SRPRB: variants seen among roughly 807,000 people sequenced by gnomAD.
SRPRB encodes SRP receptor subunit beta.
A neutral mutation model predicts 31.9 loss-of-function variants in SRPRB; 20 were observed. The observed-to-expected ratio is 0.63, with a 90% CI of 0.44 to 0.91. The LOEUF is 0.91. Ranked by LOEUF, SRPRB falls within the 40% of genes least tolerant of loss-of-function variation. The pLI is 0.00. For missense variants in SRPRB, 321 were observed against 324.9 expected (o/e 0.99, Z 0.09); for synonymous variants, 146 against 132.8 (o/e 1.10, Z -0.68).
At chr3:133,825,652 C>A (rs1399903602), downstream of SRPRB, 2 of 152,216 alleles carry the variant, frequency 1.3e-5, no homozygotes, top group African/African-American at 4.8e-5. Flanking sequence ...TGTGTTTCCA[C>A]TTGTAAATAG....
chr3:133,822,395 C>T (rs932859114), downstream of SRPRB, among the ~76,000 whole-genome samples: 2 of 152,176 alleles, frequency 1.3e-5, no homozygotes, highest in African/African-American at 4.8e-5. Flanking sequence ...ATGGAATCTC[C>T]CTAGTGGGTA....
At chr3:133,808,935 A>G (rs955741943) in intron 3 of SRPRB, among the ~76,000 whole-genome samples, 2 of 151,530 alleles carry the variant, frequency 1.3e-5, no homozygotes, top group African/African-American at 4.9e-5. Flanking sequence ...GACATTTTAC[A>G]TACCTCTGTA....
At chr3:133,794,220 A>C (rs1405489635) in intron 1 of SRPRB, 1 of 152,200 alleles carries the variant, frequency 6.6e-6, no homozygotes, top group East Asian at 1.9e-4. Flanking sequence ...TCTGCATTAC[A>C]TGACTCGTCA....
upstream of SRPRB, chr3:133,805,717 T>G (rs1467422640): frequency 3.3e-6 from 4 of 1,226,536 alleles, no homozygotes; most frequent in Non-Finnish European, 4.4e-6. Flanking sequence ...ATCAAGCACT[T>G]GGGGGATCGC....
chr3:133,793,619 GATT>G (rs1209048775), intron 1 of SRPRB: 15 of 152,034 alleles, frequency 9.9e-5, no homozygotes, highest in Admixed American at 4.6e-4. Context: ...TCATAATTAT[GATT>G]ATTATGTTAT....
intron 4 of SRPRB, among the ~76,000 whole-genome samples, chr3:133,813,363 CTTA>C (rs1243142878): frequency 2.0e-5 from 3 of 152,110 alleles, no homozygotes; most frequent in African/African-American, 4.8e-5. Context: ...GTTATTGAAC[CTTA>C]TTATTTTTGC....
chr3:133,815,294 G>A (rs887073935), intron 4 of SRPRB, among the ~76,000 whole-genome samples: 1 of 151,992 alleles, frequency 6.6e-6, no homozygotes, highest in African/African-American at 2.4e-5. Flanking sequence ...TTACACATGT[G>A]CATAGTTTTG....
At chr3:133,816,569 C>G (rs540710571) in intron 5 of SRPRB, among the ~76,000 whole-genome samples, 2 of 152,248 alleles carry the variant, frequency 1.3e-5, no homozygotes, top group South Asian at 4.2e-4. Context: ...GGTAGGTTTT[C>G]TTTCTGTTAA....
chr3:133,806,508 G>A lies in SRPRB; in HGVS notation c.155-101G>A, dbSNP rs994826073. On this transcript the variant is annotated intron_variant, in intron 1 of 6. Transcript: ENST00000678299. ...TAAAAGTCAGTTCCAGGTGAATGAGGTGTTTCGTCACAGACTTCTGTGAAT... is the reference window on the plus strand; with the variant it reads ...TAAAAGTCAGTTCCAGGTGAATGAGATGTTTCGTCACAGACTTCTGTGAAT... 9 of 840,368 alleles carry A rather than the reference G, an allele frequency of 1.1e-5. No homozygotes were observed. In the African/African-American group the frequency reaches 1.2e-4, roughly 11 times the overall value. 52.1% of individuals were successfully genotyped at this position (840,368 alleles called of 1,614,324 possible).
chr3:133,809,459 A>G (rs1935220896), intron 3 of SRPRB, among the ~76,000 whole-genome samples: 1 of 151,598 alleles, frequency 6.6e-6, no homozygotes, highest in African/African-American at 2.4e-5. Flanking sequence ...ATAAAGGGAC[A>G]TGTTTTTAAA....
intron 6 of SRPRB, among the ~76,000 whole-genome samples, chr3:133,819,146 G>C (rs1935419668): frequency 6.6e-6 from 1 of 152,096 alleles, no homozygotes; most frequent in Non-Finnish European, 1.5e-5. Flanking sequence ...TATCCAAATA[G>C]ACTCAAGATA....
chr3:133,825,142 C>A (rs1247412651), downstream of SRPRB: 1 of 152,212 alleles, frequency 6.6e-6, no homozygotes, highest in Non-Finnish European at 1.5e-5. Context: ...CTCAGACATG[C>A]CTCACTGTCC....
chr3:133,814,340 C>T, intron 4 of SRPRB, among the ~76,000 whole-genome samples: 1 of 152,136 alleles, frequency 6.6e-6, no homozygotes, highest in Non-Finnish European at 1.5e-5. Context: ...GCCGTGTTAG[C>T]CAGGATGGTC....
At chr3:133,803,770 G>A (rs1188940328), upstream of SRPRB, among the ~76,000 whole-genome samples, 3 of 151,222 alleles carry the variant, frequency 2.0e-5, no homozygotes, top group South Asian at 2.1e-4. Context: ...GGGCTCAAGC[G>A]CTCCTGCCTC....
In SRPRB at chr3:133,819,673, G is replaced by A; in HGVS notation, c.723G>A (p.Val241=). ...EFEFSQLPLK[V]EFLECSAKGG... is the part of the protein sequence containing the mutation. ...AATTCTCACAGTTGCCCCTCAAAGT[G>A]GAGTTCCTGGAGTGCAGTGCCAAGG... Residue 241 remains valine (V), a synonymous_variant, in exon 7 of 7, where the codon GTG becomes GTA. Coordinates refer to ENST00000678299, the MANE Select transcript of SRPRB (RefSeq NM_001379313.1). 1 of 1,614,166 alleles carries A rather than the reference G, an allele frequency of 6.2e-7. No individual in the cohort carries two copies.
intron 1 of SRPRB, chr3:133,791,229 A>G (rs1387825408): frequency 6.6e-6 from 1 of 152,154 alleles, no homozygotes; most frequent in African/African-American, 2.4e-5. Context: ...AACTAACTCA[A>G]ATTCTGTTTA....
At chr3:133,817,180 C>G (rs965854505) in intron 6 of SRPRB, among the ~76,000 whole-genome samples, 5 of 152,070 alleles carry the variant, frequency 3.3e-5, no homozygotes, top group African/African-American at 1.2e-4. Flanking sequence ...ATTTATTTTA[C>G]CATTGTTACT....
In SRPRB at chr3:133,806,887, T is replaced by G. The variant is rs116631133; in HGVS notation, c.249+184T>G. Among the ~76,000 whole-genome samples the G allele has an allele frequency of 6.4e-3, 972 of 152,252 alleles. 7 individuals are homozygous for G. The highest frequency in any genetic ancestry group is 0.01 in the Non-Finnish European group (700 of 68,014). On this transcript the variant is annotated intron_variant, in intron 2 of 6. Coordinates refer to ENST00000678299, the MANE Select transcript of SRPRB (RefSeq NM_001379313.1). ...ACCCATAATTGAGAAATATTGGTCA[T>G]TTCTCCTTTTTTTTTTCTGTTTGCC...
intron 1 of SRPRB, chr3:133,795,320 C>T (rs1442156793): frequency 6.6e-6 from 1 of 152,170 alleles, no homozygotes; most frequent in African/African-American, 2.4e-5. Context: ...TAATAATAGT[C>T]TCCCTGGTGT....
Sources: gnomAD v4.1 joint callset for allele counts (sites outside exome capture counted in the v4.1 genomes callset) on GRCh38, gnomAD v4.1.1 for gene constraint, MANE v1.5 for transcripts, NCBI Gene and HGNC (gene_info 2026-07-23, HGNC 2026-07-21) for gene names.